The following PON3 variants were observed in gnomAD, a reference collection of about 807,000 sequenced individuals.
PON3 encodes paraoxonase 3.
A neutral mutation model predicts 36.3 loss-of-function variants in PON3; 37 were observed. The ratio of observed to expected loss-of-function variants is 1.02; its 90% CI spans 0.78 to 1.34. The LOEUF is 1.34. PON3 is among the 40% of genes most tolerant of loss of function. The probability of loss-of-function intolerance (pLI) is 0.00; values close to 1 mark genes in which losing one functional copy is unlikely to be tolerated. For synonymous variants in PON3, 155 were observed against 154.8 expected, an observed-to-expected ratio of 1.00 and a Z score of -0.01; for missense variants, 415 against 426.5, an observed-to-expected ratio of 0.97 and a Z score of 0.24.
At chr7:95,393,190 A>C (rs1010149896) in intron 2 of PON3, among the ~76,000 whole-genome samples, 9 of 152,228 alleles carry the variant, frequency 5.9e-5, no homozygotes, top group Non-Finnish European at 1.0e-4. Context: ...ATAAAATAGA[A>C]AATCATATCC....
chr7:95,394,795 C>A, intron 1 of PON3, 81 bp from the exon 2 acceptor site: 1 of 1,103,974 alleles, frequency 9.1e-7, no homozygotes, highest in South Asian at 1.3e-5. Flanking sequence ...CAATCATCTT[C>A]GTGTTGGTTA....
At chr7:95,367,632 G>C in intron 4 of PON3, 144 bp from the exon 5 acceptor site, 2 of 839,032 alleles carry the variant, frequency 2.4e-6, no homozygotes, top group South Asian at 1.5e-5. Context: ...AGGTAAGTCA[G>C]ACAAATGCCA....
chr7:95,364,770 T>G (rs974421187), intron 5 of PON3: 4 of 152,796 alleles, frequency 2.6e-5, no homozygotes, highest in African/African-American at 4.8e-5. Flanking sequence ...ATCTGGACCT[T>G]TATATTTTCT....
intron 5 of PON3, among the ~76,000 whole-genome samples, chr7:95,366,330 T>A (rs1808692557): frequency 6.6e-6 from 1 of 152,196 alleles, no homozygotes; most frequent in Non-Finnish European, 1.5e-5. Flanking sequence ...AGCAACCCTG[T>A]GGAAGTCCTG....
intron 5 of PON3, among the ~76,000 whole-genome samples, chr7:95,366,783 C>T (rs1460824210): frequency 1.3e-5 from 2 of 152,184 alleles, no homozygotes; most frequent in Admixed American, 6.5e-5. Flanking sequence ...TAACCCAAAC[C>T]TTCTCTAAGT....
intron 3 of PON3, among the ~76,000 whole-genome samples, chr7:95,375,397 A>G (rs1156719300): frequency 6.6e-6 from 1 of 150,828 alleles, no homozygotes; most frequent in Non-Finnish European, 1.5e-5. Context: ...ATATACATAT[A>G]AATATATTAG....
intron 2 of PON3, among the ~76,000 whole-genome samples, chr7:95,392,667 G>T (rs555245910): frequency 6.6e-6 from 1 of 152,302 alleles, no homozygotes; most frequent in South Asian, 2.1e-4. Flanking sequence ...CATTTTAAGT[G>T]GTGGGTTCTA....
chr7:95,361,257 A>C (rs1055164947), intron 8 of PON3, among the ~76,000 whole-genome samples: 5 of 152,152 alleles, frequency 3.3e-5, no homozygotes, highest in African/African-American at 1.2e-4. Flanking sequence ...TGACTAATAC[A>C]TTAATAAAAA....
At chr7:95,384,045 T>C (rs56231507) in intron 3 of PON3, among the ~76,000 whole-genome samples, 2 of 152,010 alleles carry the variant, frequency 1.3e-5, no homozygotes, top group South Asian at 4.2e-4. Flanking sequence ...TCAGAGATAA[T>C]ACCACACATC....
At chr7:95,364,571 G>T in intron 5 of PON3, 1 of 208,920 alleles carries the variant, frequency 4.8e-6, no homozygotes, top group Non-Finnish European at 9.7e-6. Context: ...CCACAGTAAT[G>T]AGCAACTTTT....
intron 5 of PON3, chr7:95,364,383 C>A: frequency 2.6e-6 from 1 of 390,770 alleles, no homozygotes; most frequent in Non-Finnish European, 4.8e-6. Flanking sequence ...AGTTGTAGTG[C>A]AGTTCACTGA....
Position 95,396,330 on chromosome 7 carries a change from C to T in PON3, c.21G>A (p.Leu7=), listed in dbSNP as rs770124954. MGKLVA[L]VLLGVGLSLV... ...AGGACAGGCCGACCCCCAGCAGGAC[C>T]AGCGCCACGAGCTTCCCCATGGTCT... Residue 7 remains leucine (L), a synonymous_variant, in exon 1 of 9, where the codon CTG becomes CTA. Transcript: ENST00000265627. The T allele has an allele frequency of 1.2e-6, 2 of 1,614,072 alleles. No individual in the cohort carries two copies. Among genetic ancestry groups the T allele is most frequent in the South Asian group, 1.1e-5 (1 of 91,074 alleles).
intron 4 of PON3, 73 bp from the exon 5 acceptor site, chr7:95,367,561 T>C (rs895003796): frequency 5.7e-5 from 88 of 1,555,040 alleles, no homozygotes; most frequent in Admixed American, 8.4e-5. Flanking sequence ...GTTTTAAAAC[T>C]TGGTCACTTC....
chr7:95,360,300 T>C (rs919707924), intron 8 of PON3, among the ~76,000 whole-genome samples, 169 bp from the exon 9 acceptor site: 1 of 152,230 alleles, frequency 6.6e-6, no homozygotes, highest in Non-Finnish European at 1.5e-5. Flanking sequence ...GTCATAGATA[T>C]CTATGCACCA....
intron 8 of PON3, among the ~76,000 whole-genome samples, chr7:95,360,979 CTT>C (rs1808557275): frequency 1.3e-5 from 2 of 152,090 alleles, no homozygotes; most frequent in African/African-American, 4.8e-5. Context: ...GACAAAAAGT[CTT>C]ATCTAAAATT....
Position 95,359,938 on chromosome 7 carries a change from G to A in PON3, c.*35C>T, listed in dbSNP as rs17885558. 0.012 allele frequency: 18,365 copies of A among 1,526,216 alleles called. 321 individuals carry two copies. Among genetic ancestry groups the A allele is most frequent in the African/African-American group, 0.066 (4,703 of 71,076 alleles). The allele number at this position is 1,526,216 out of a possible 1,614,324, so 94.5% of individuals were successfully genotyped here. The stretch of plus-strand genomic sequence containing the variant: ...TTATCAGTTTACTTTTACAAAATAT[G>A]TAGACTTTTTTTTTTTTTTTTTACT... On this transcript the variant is annotated 3_prime_UTR_variant, in exon 9 of 9. Coordinates refer to ENST00000265627, the MANE Select transcript of PON3 (RefSeq NM_000940.3).
chr7:95,366,986 C>T (rs970199823), intron 5 of PON3, among the ~76,000 whole-genome samples: 3 of 152,236 alleles, frequency 2.0e-5, no homozygotes, highest in Non-Finnish European at 4.4e-5. Context: ...GGTTATAACA[C>T]CCAGTGGGTG....
intron 3 of PON3, chr7:95,377,500 G>A (rs1198926090): frequency 2.7e-6 from 1 of 369,324 alleles, no homozygotes; most frequent in South Asian, 1.9e-5. Flanking sequence ...TAGCCTGACT[G>A]GGAGACACCT....
At chr7:95,394,105 G>A (rs543648424) in intron 2 of PON3, among the ~76,000 whole-genome samples, 186 of 152,164 alleles carry the variant, frequency 1.2e-3, no homozygotes, top group Non-Finnish European at 2.2e-3. Flanking sequence ...TCACCATGTT[G>A]GCCAGGATGG....
Sources: gnomAD v4.1 joint callset for allele counts (sites outside exome capture counted in the v4.1 genomes callset) on GRCh38, gnomAD v4.1.1 for gene constraint, MANE v1.5 for transcripts, NCBI Gene and HGNC (gene_info 2026-07-23, HGNC 2026-07-21) for gene names.